LINGO1: variants seen among roughly 807,000 people sequenced by gnomAD.
LINGO1 encodes leucine rich repeat and Ig domain containing 1.
In LINGO1, 11 loss-of-function variants were observed where a neutral mutation model predicts 37.3. That is an observed-to-expected ratio of 0.29 (90% CI 0.19 to 0.49). The LOEUF is 0.49. LINGO1 is among the 20% of genes least tolerant of loss of function. The probability of loss-of-function intolerance (pLI) is 0.99; values close to 1 mark genes in which losing one functional copy is unlikely to be tolerated. For synonymous variants in LINGO1, 387 were observed against 403.0 expected (o/e 0.96, Z 0.48); for missense variants, 585 against 878.2 (o/e 0.67, Z 4.22).
intron 2 of LINGO1, among the ~76,000 whole-genome samples, chr15:77,723,839 C>A (rs1396538572): frequency 1.3e-5 from 2 of 152,150 alleles, no homozygotes; most frequent in African/African-American, 4.8e-5. Flanking sequence ...GAGGGGGCAA[C>A]AGTTCCAAAC....
At chr15:77,622,366 C>A (rs139347655) in intron 1 of LINGO1, among the ~76,000 whole-genome samples, 1 of 152,244 alleles carries the variant, frequency 6.6e-6, no homozygotes, top group African/African-American at 2.4e-5. Context: ...AGAACTTGTC[C>A]TGCAGGCACA....
chr15:77,655,649 A>T lies in LINGO1; in HGVS notation c.-13+21440T>A, dbSNP rs570595160. Among the ~76,000 whole-genome samples the T allele has an allele frequency of 2.5e-4, 38 of 152,334 alleles. No individual in the cohort carries two copies. The South Asian group carries it at 4.1e-3, about 17-fold the overall frequency. On this transcript the variant is annotated intron_variant, in intron 3 of 3. Coordinates refer to the LINGO1 transcript ENST00000559893. The stretch of plus-strand genomic sequence containing the variant: ...GGAAACCTTCAAGGTAGGTACCACC[A>T]TACCCATCTTACAGACTGGAGACAC...
Position 77,632,321 on chromosome 15 carries a change from G to A in LINGO1, c.-6C>T. On this transcript the variant is annotated 5_prime_UTR_variant, in exon 1 of 2. Transcript: ENST00000355300. The surrounding 1 kb of genome is among the most constrained non-coding windows in gnomAD (Gnocchi z 6.0). ...GCCGCCTGGCTCACCTGCATCTCGGGCGCGCCTTCGGTCCGCTCGGCTCGG... is the reference window on the plus strand; with the variant it reads ...GCCGCCTGGCTCACCTGCATCTCGGACGCGCCTTCGGTCCGCTCGGCTCGG... The A allele has an allele frequency of 1.4e-6, 2 of 1,440,476 alleles. No homozygotes were observed. The highest frequency in any genetic ancestry group is 1.8e-6 in the Non-Finnish European group (2 of 1,097,592). The allele number at this position is 1,440,476 out of a possible 1,614,324, so 89.2% of individuals were successfully genotyped here. A position where few individuals can be genotyped will look rare whatever the true frequency, so the allele number is the denominator to read the frequency against.
intron 2 of LINGO1, among the ~76,000 whole-genome samples, chr15:77,714,019 C>T (rs1042097826): frequency 7.2e-5 from 11 of 152,228 alleles, no homozygotes; most frequent in Admixed American, 2.0e-4. Flanking sequence ...CTGGTTCCCA[C>T]GTCCCCATCC....
chr15:77,698,486 C>T (rs900480587), upstream of LINGO1, among the ~76,000 whole-genome samples: 2 of 152,164 alleles, frequency 1.3e-5, no homozygotes, highest in African/African-American at 4.8e-5. Flanking sequence ...TTGGGAACCC[C>T]GATGCCCCGT....
At chr15:77,719,427 C>T (rs1319429267) in intron 2 of LINGO1, among the ~76,000 whole-genome samples, 1 of 150,008 alleles carries the variant, frequency 6.7e-6, no homozygotes, top group African/African-American at 2.4e-5. Flanking sequence ...CCTCCACCCT[C>T]ACAGGCAGAT....
chr15:77,710,834 G>A (rs1023969838), intron 2 of LINGO1, among the ~76,000 whole-genome samples: 5 of 152,364 alleles, frequency 3.3e-5, no homozygotes, highest in African/African-American at 1.2e-4. Flanking sequence ...AGATTGCAGG[G>A]CCTCTCTGCT....
chr15:77,685,647 C>T (rs1485913173), intron 2 of LINGO1, among the ~76,000 whole-genome samples: 1 of 149,236 alleles, frequency 6.7e-6, no homozygotes, highest in African/African-American at 2.5e-5. Context: ...CACTTGAGGC[C>T]AGGAGTTTGA....
chr15:77,820,601 G>A (rs1223952996), upstream of LINGO1, among the ~76,000 whole-genome samples: 1 of 152,228 alleles, frequency 6.6e-6, no homozygotes, highest in Admixed American at 6.5e-5. Flanking sequence ...ACGGGCTGGC[G>A]TCCCGCTCCT....
intron 1 of LINGO1, among the ~76,000 whole-genome samples, chr15:77,798,470 C>T (rs528623752): frequency 2.6e-5 from 4 of 152,248 alleles, no homozygotes; most frequent in South Asian, 2.1e-4. Context: ...ATGGGCCTCC[C>T]GCTCCCTTCC....
chr15:77,682,618 A>T (rs548830930), intron 2 of LINGO1, among the ~76,000 whole-genome samples: 157 of 151,774 alleles, frequency 1.0e-3, no homozygotes, highest in Non-Finnish European at 2.0e-3. Flanking sequence ...CTCGCATCCT[A>T]TCACCACAGT....
intron 1 of LINGO1, among the ~76,000 whole-genome samples, chr15:77,812,370 A>G (rs1393484979): frequency 6.6e-6 from 1 of 152,210 alleles, no homozygotes; most frequent in Non-Finnish European, 1.5e-5. Flanking sequence ...CATCTCATTC[A>G]AAGGCAAAGT....
At position 77,817,962 on chromosome 15, in the gene LINGO1, C is replaced by T. The variant is rs560076128; in HGVS notation, c.-458+2296G>A. ...ATATTACCATAGACATTACCATACT[C>T]CAGAGACCCAGGTAGATACTGACTG... On this transcript the variant is annotated intron_variant, in intron 1 of 5. Transcript: ENST00000562933. Among the ~76,000 whole-genome samples the T allele has an allele frequency of 8.5e-5, 13 of 152,296 alleles. No individual in the cohort carries two copies. In the South Asian group the frequency reaches 2.5e-3, roughly 29 times the overall value.
chr15:77,702,515 G>A (rs1343481539), intron 2 of LINGO1, among the ~76,000 whole-genome samples: 2 of 152,140 alleles, frequency 1.3e-5, no homozygotes, highest in Admixed American at 1.3e-4. Context: ...ACAAAACACA[G>A]GCTGCATGCT....
chr15:77,675,645 A>G (rs2075314700), intron 3 of LINGO1, among the ~76,000 whole-genome samples: 1 of 152,244 alleles, frequency 6.6e-6, no homozygotes, highest in African/African-American at 2.4e-5. Flanking sequence ...AAAAGACTAC[A>G]GAAGGGGCTT....
intron 1 of LINGO1, among the ~76,000 whole-genome samples, chr15:77,779,585 G>A (rs1454105201): frequency 2.6e-5 from 4 of 151,918 alleles, no homozygotes; most frequent in Admixed American, 1.3e-4. Flanking sequence ...CCTCACATGC[G>A]CAGTTCACAA....
chr15:77,727,728 T>C (rs1596162085), intron 2 of LINGO1, among the ~76,000 whole-genome samples: 1 of 61,594 alleles, frequency 1.6e-5, no homozygotes, highest in South Asian at 5.2e-4. Flanking sequence ...TTTTATATGT[T>C]TTTTTTTTAC....
intron 3 of LINGO1, chr15:77,652,003 C>G (rs1044196481): frequency 6.6e-6 from 1 of 152,176 alleles, no homozygotes; most frequent in African/African-American, 2.4e-5. Flanking sequence ...GTGGAAAATC[C>G]AGAATCTACA....
At chr15:77,721,715 G>C (rs2076051672) in intron 2 of LINGO1, among the ~76,000 whole-genome samples, 1 of 152,160 alleles carries the variant, frequency 6.6e-6, no homozygotes, top group African/African-American at 2.4e-5. Flanking sequence ...GGCAGAGGAA[G>C]ACAGGAGCAC....
Sources: gnomAD v4.1 joint callset for allele counts (sites outside exome capture counted in the v4.1 genomes callset) on GRCh38, gnomAD v4.1.1 for gene constraint, Gnocchi (gnomAD v3.1) non-coding constraint, MANE v1.5 for transcripts, NCBI Gene and HGNC (gene_info 2026-07-23, HGNC 2026-07-21) for gene names.